The following PARD3 variants were observed in gnomAD, a reference collection of about 807,000 sequenced individuals.
PARD3 encodes the protein par-3 family cell polarity regulator.
In PARD3, 75 loss-of-function variants were observed where a neutral mutation model predicts 155.4. That is an observed-to-expected ratio of 0.48 (90% CI 0.40 to 0.58). The LOEUF (loss-of-function observed/expected upper bound fraction) is 0.58, where lower values mean the gene tolerates loss of function less well. Among genes scored for constraint, PARD3 ranks in the 20% least tolerant of loss-of-function variants. PARD3 has a pLI of 0.00. For missense variants in PARD3, 1,642 were observed against 1,721.7 expected (o/e 0.95, Z 0.82); for synonymous variants, 576 against 610.5 (o/e 0.94, Z 0.83).
intron 22 of PARD3, among the ~76,000 whole-genome samples, chr10:34,251,703 A>G (rs1048811755): frequency 1.3e-5 from 2 of 152,236 alleles, no homozygotes; most frequent in African/African-American, 2.4e-5. Flanking sequence ...TACAAGAATT[A>G]TAAGTTTAAC....
chr10:34,416,255 C>G (rs965151751), intron 5 of PARD3, among the ~76,000 whole-genome samples: 2 of 152,118 alleles, frequency 1.3e-5, no homozygotes, highest in African/African-American at 4.8e-5. Flanking sequence ...GCAGAGAGAG[C>G]CCCACAATAA....
chr10:34,252,787 T>C (rs1238507598), intron 22 of PARD3, among the ~76,000 whole-genome samples: 1 of 152,130 alleles, frequency 6.6e-6, no homozygotes, highest in Non-Finnish European at 1.5e-5. Context: ...TAGTCATTTG[T>C]TACACATTTT....
intron 22 of PARD3, among the ~76,000 whole-genome samples, chr10:34,195,828 C>T (rs1564472393): frequency 1.3e-5 from 2 of 152,152 alleles, no homozygotes; most frequent in Non-Finnish European, 2.9e-5. Context: ...GAAAATCTTG[C>T]CACTCGCTAG....
At chr10:34,801,699 C>G (rs1467737215) in intron 1 of PARD3, among the ~76,000 whole-genome samples, 18 of 152,146 alleles carry the variant, frequency 1.2e-4, no homozygotes, top group Admixed American at 1.2e-3. Flanking sequence ...CCTACCTAAG[C>G]AAAAGATGTT....
At chr10:34,410,269 T>A (rs531955785) in intron 5 of PARD3, among the ~76,000 whole-genome samples, 10 of 152,262 alleles carry the variant, frequency 6.6e-5, no homozygotes, top group African/African-American at 2.2e-4. Flanking sequence ...GATTTCTGTC[T>A]TTTCCTCTTA....
intron 2 of PARD3, among the ~76,000 whole-genome samples, chr10:34,626,071 T>C (rs1341015408): frequency 6.6e-6 from 1 of 152,228 alleles, no homozygotes; most frequent in African/African-American, 2.4e-5. Context: ...TGCTATTGTT[T>C]TGGTCCCCTC....
chr10:34,749,577 CA>C (rs1423429666), intron 1 of PARD3, among the ~76,000 whole-genome samples: 2 of 151,874 alleles, frequency 1.3e-5, no homozygotes, highest in African/African-American at 4.8e-5. Flanking sequence ...AAATACTTAG[CA>C]AACATATAGA....
chr10:34,775,707 C>T (rs1344974387), intron 1 of PARD3, among the ~76,000 whole-genome samples: 7 of 152,168 alleles, frequency 4.6e-5, no homozygotes, highest in Non-Finnish European at 7.3e-5. Context: ...GAGAGTTTGT[C>T]ACTTACTGCC....
chr10:34,315,081 G>C (rs1957928946), intron 20 of PARD3, among the ~76,000 whole-genome samples: 2 of 152,146 alleles, frequency 1.3e-5, no homozygotes, highest in South Asian at 4.1e-4. Flanking sequence ...CCTGCATATA[G>C]AATTTTATTT....
Position 34,473,530 on chromosome 10 carries a change from T to TA in PARD3, c.404-3268dup, listed in dbSNP as rs5784420. Among the ~76,000 whole-genome samples the TA allele has an allele frequency of 1.2e-3, 180 of 145,990 alleles. 1 individual carries two copies. Among genetic ancestry groups the TA allele is most frequent in the South Asian group, 8.9e-3 (41 of 4,582 alleles). On this transcript the variant is annotated intron_variant, in intron 3 of 24. Transcript: ENST00000374788. Reference sequence around the variant, plus strand: ...AGTGAGATCCTGTCTCTACAAAAAATAAAAAAAAAAAAAATAGACAACTGT... The same window carrying TA: ...AGTGAGATCCTGTCTCTACAAAAAATAAAAAAAAAAAAAAATAGACAACTGT...
chr10:34,577,040 C>T (rs78506966), intron 2 of PARD3, among the ~76,000 whole-genome samples: 4,445 of 152,212 alleles, frequency 0.029, 216 homozygotes, highest in African/African-American at 0.1. Context: ...ATCATCTTCT[C>T]TGACAAAAAC....
chr10:34,709,454 A>G (rs1313470937), intron 1 of PARD3, among the ~76,000 whole-genome samples: 1 of 152,244 alleles, frequency 6.6e-6, no homozygotes, highest in African/African-American at 2.4e-5. Context: ...GAACAGGAAA[A>G]TGCAAATCAT....
intron 1 of PARD3, among the ~76,000 whole-genome samples, chr10:34,753,126 G>A (rs1301135588): frequency 6.6e-6 from 1 of 152,206 alleles, no homozygotes; most frequent in South Asian, 2.1e-4. Flanking sequence ...AAAGCACCTC[G>A]ATTCTCCAGC....
chr10:34,805,564 TATAC>T (rs1181599003), intron 1 of PARD3, among the ~76,000 whole-genome samples: 1,853 of 147,578 alleles, frequency 0.013, 52 homozygotes, highest in African/African-American at 0.044. Context: ...TATATATATA[TATAC>T]ACCGTACAGT....
At position 34,622,642 on chromosome 10, in the gene PARD3, C is replaced by T. The variant is rs145407668; in HGVS notation, c.222+73676G>A. 4.3e-3 allele frequency among the ~76,000 whole-genome samples: 655 copies of T among 152,206 alleles called. 1 individual carries two copies. Among genetic ancestry groups the T allele is most frequent in the Non-Finnish European group, 6.9e-3 (470 of 68,018 alleles). On this transcript the variant is annotated intron_variant, in intron 2 of 24. Transcript: ENST00000374788. Reference sequence around the variant, plus strand: ...CTACATGGAAACACTGAATAAATTACGGTTGAATGAATTTCTTGGACAAAC... The same window carrying T: ...CTACATGGAAACACTGAATAAATTATGGTTGAATGAATTTCTTGGACAAAC...
intron 1 of PARD3, among the ~76,000 whole-genome samples, chr10:34,799,119 G>A (rs1369768628): frequency 6.6e-6 from 1 of 152,164 alleles, no homozygotes; most frequent in African/African-American, 2.4e-5. Flanking sequence ...TCGGCTCACT[G>A]CAACCTCCAC....
At chr10:34,299,005 T>A (rs1957035153) in intron 20 of PARD3, among the ~76,000 whole-genome samples, 1 of 152,254 alleles carries the variant, frequency 6.6e-6, no homozygotes, top group Non-Finnish European at 1.5e-5. Flanking sequence ...TGCTTTCATC[T>A]ATTTGGCTTC....
chr10:34,443,087 A>G (rs1239551019), intron 5 of PARD3, among the ~76,000 whole-genome samples: 1 of 152,152 alleles, frequency 6.6e-6, no homozygotes, highest in Non-Finnish European at 1.5e-5. Flanking sequence ...TCGTGTGGAC[A>G]CAGGAACCAC....
intron 2 of PARD3, among the ~76,000 whole-genome samples, chr10:34,638,757 T>G (rs2092569687): frequency 6.6e-6 from 1 of 152,232 alleles, no homozygotes; most frequent in Non-Finnish European, 1.5e-5. Flanking sequence ...TATAGTCCCT[T>G]CAACCTGTCT....
Sources: allele counts gnomAD v4.1 joint callset (sites outside exome capture counted in the v4.1 genomes callset), GRCh38; gene constraint gnomAD v4.1.1; transcripts MANE v1.5; gene names NCBI Gene and HGNC (gene_info 2026-07-23, HGNC 2026-07-21).